SMG7: variants seen among roughly 807,000 people sequenced by gnomAD.
SMG7 encodes the protein nonsense-mediated mRNA decay factor SMG7.
Under a neutral mutation model 148.2 loss-of-function variants are expected in SMG7, and 34 were observed. The observed-to-expected ratio is 0.23, with a 90% CI of 0.17 to 0.31. The LOEUF is 0.31. Among genes scored for constraint, SMG7 ranks in the 10% least tolerant of loss-of-function variants. SMG7 has a pLI of 1.00. For missense variants in SMG7, 1,114 were observed against 1,408.4 expected (o/e 0.79, Z 3.35); for synonymous variants, 492 against 515.1 (o/e 0.96, Z 0.61).
chr1:183,477,358 A>G (rs546354872), intron 1 of SMG7, among the ~76,000 whole-genome samples: 1 of 151,772 alleles, frequency 6.6e-6, no homozygotes, highest in African/African-American at 2.4e-5. Context: ...CTACTGTTAG[A>G]CTCCTTTACA....
At chr1:183,474,090 T>C (rs1651473739) in intron 1 of SMG7, among the ~76,000 whole-genome samples, 1 of 152,248 alleles carries the variant, frequency 6.6e-6, no homozygotes, top group Non-Finnish European at 1.5e-5. Flanking sequence ...GTCCTTTTTT[T>C]CATCTTAGAT....
chr1:183,548,273 T>C (rs1670290127), intron 18 of SMG7, among the ~76,000 whole-genome samples: 1 of 152,164 alleles, frequency 6.6e-6, no homozygotes, highest in Non-Finnish European at 1.5e-5. Context: ...ATGGTAGCAG[T>C]GCCATGGCTG....
In SMG7 at chr1:183,550,024, G is replaced by A. The variant is rs144062003; in HGVS notation, c.3133+101G>A. On this transcript the variant is annotated intron_variant, in intron 20 of 22. Coordinates refer to ENST00000688051, the MANE Select transcript of SMG7 (RefSeq NM_001375584.1). ...TAATTACAAATATATCATTTGTTGG[G>A]TTATTTTTATTTTTTGTTTGTTTGT... 6.9e-4 allele frequency: 529 copies of A among 761,914 alleles called. 5 individuals carry two copies. The East Asian group carries it at 0.012, about 17-fold the overall frequency. 47.2% of individuals were successfully genotyped at this position (761,914 alleles called of 1,614,324 possible).
At chr1:183,507,076 G>A (rs1004143647) in intron 1 of SMG7, among the ~76,000 whole-genome samples, 1 of 151,738 alleles carries the variant, frequency 6.6e-6, no homozygotes, top group Non-Finnish European at 1.5e-5. Context: ...ACGAGGCTTC[G>A]CTATGTTGGC....
chr1:183,551,229 C>A (rs1670994434), intron 22 of SMG7, 39 bp downstream of exon 22: 1 of 1,533,266 alleles, frequency 6.5e-7, no homozygotes, highest in African/African-American at 1.4e-5. Context: ...AAGATTATTA[C>A]AGCAAAGGTG....
chr1:183,530,421 T>C (rs180819935), intron 8 of SMG7, among the ~76,000 whole-genome samples: 289 of 152,284 alleles, frequency 1.9e-3, no homozygotes, highest in Admixed American at 6.0e-3. Context: ...ATGTGCAAGA[T>C]ATTAGAATAG....
intron 1 of SMG7, among the ~76,000 whole-genome samples, chr1:183,488,572 A>G (rs753068750): frequency 6.6e-6 from 1 of 152,154 alleles, no homozygotes; most frequent in Non-Finnish European, 1.5e-5. Context: ...GCATGTGTCA[A>G]GTGCTCATGT....
At chr1:183,497,459 TC>T (rs1434076944) in intron 1 of SMG7, among the ~76,000 whole-genome samples, 2 of 152,202 alleles carry the variant, frequency 1.3e-5, no homozygotes, top group South Asian at 2.1e-4. Flanking sequence ...TGGTAGGAGT[TC>T]CAGGGGTGCA....
At chr1:183,485,157 C>T (rs1356399493) in intron 1 of SMG7, among the ~76,000 whole-genome samples, 1 of 152,188 alleles carries the variant, frequency 6.6e-6, no homozygotes, top group African/African-American at 2.4e-5. Flanking sequence ...GACATACATG[C>T]AGAAAGTGGC....
intron 8 of SMG7, among the ~76,000 whole-genome samples, chr1:183,529,797 ACTC>A (rs1666541325): frequency 6.6e-6 from 1 of 151,780 alleles, no homozygotes; most frequent in Admixed American, 6.6e-5. Flanking sequence ...AAAATAAATA[ACTC>A]CTCAGTTTTG....
At chr1:183,546,392 T>C in intron 17 of SMG7, 55 bp downstream of exon 17, 1 of 1,535,458 alleles carries the variant, frequency 6.5e-7, no homozygotes, top group South Asian at 1.2e-5. Context: ...AGGTTGACTG[T>C]CTTTTGAATA....
At chr1:183,538,313 G>A (rs1450706313) in intron 11 of SMG7, 67 bp from the exon 12 acceptor site, 5 of 1,023,186 alleles carry the variant, frequency 4.9e-6, no homozygotes, top group African/African-American at 3.2e-5. Context: ...AAAAAATTTA[G>A]TGAACAGTAT....
chr1:183,522,914 C>T (rs191586131), intron 4 of SMG7, among the ~76,000 whole-genome samples: 20 of 152,080 alleles, frequency 1.3e-4, no homozygotes, highest in African/African-American at 4.3e-4. Flanking sequence ...ATACCTAGGA[C>T]TACAGGCTCA....
chr1:183,544,849 T>C, intron 15 of SMG7, 81 bp from the exon 16 acceptor site: 1 of 1,419,798 alleles, frequency 7.0e-7, no homozygotes. Context: ...TCCCTCTACC[T>C]ACCTGTTAAA....
intron 1 of SMG7, among the ~76,000 whole-genome samples, chr1:183,494,899 G>A (rs1249055117): frequency 1.3e-5 from 2 of 150,430 alleles, no homozygotes; most frequent in African/African-American, 4.9e-5. Context: ...GTGCAATCTC[G>A]GCTCACCACA....
At chr1:183,547,763 A>T (rs1485951977) in intron 18 of SMG7, among the ~76,000 whole-genome samples, 1 of 152,222 alleles carries the variant, frequency 6.6e-6, no homozygotes, top group Non-Finnish European at 1.5e-5. Flanking sequence ...AGTTGGATTC[A>T]TAAACAGAAT....
At chr1:183,516,109 G>T (rs1232289886) in intron 3 of SMG7, 118 bp downstream of exon 3, 1 of 667,956 alleles carries the variant, frequency 1.5e-6, no homozygotes, top group Non-Finnish European at 2.6e-6. Context: ...TTTTTCAATG[G>T]AAAGTAATTC....
At chr1:183,500,871 C>G (rs1659570962) in intron 1 of SMG7, among the ~76,000 whole-genome samples, 1 of 152,114 alleles carries the variant, frequency 6.6e-6, no homozygotes, top group Non-Finnish European at 1.5e-5. Context: ...ACTTTATATG[C>G]TATGCTGAGG....
chr1:183,526,093 T>C (rs1665772245), intron 4 of SMG7, among the ~76,000 whole-genome samples: 1 of 151,382 alleles, frequency 6.6e-6, no homozygotes, highest in South Asian at 2.1e-4. Context: ...AAAGGTATGA[T>C]TTATAATGAA....
Sources: gnomAD v4.1 joint callset for allele counts (sites outside exome capture counted in the v4.1 genomes callset) on GRCh38, gnomAD v4.1.1 for gene constraint, MANE v1.5 for transcripts, NCBI Gene and HGNC (gene_info 2026-07-23, HGNC 2026-07-21) for gene names.